The following ERCC3 variants were observed in gnomAD, a reference collection of about 807,000 sequenced individuals.
ERCC3 encodes the protein general transcription and DNA repair factor IIH helicase/translocase subunit XPB.
A neutral mutation model predicts 94.2 loss-of-function variants in ERCC3; 66 were observed. That is an observed-to-expected ratio of 0.70 (90% CI 0.57 to 0.86). The LOEUF is 0.86. Ranked by LOEUF, ERCC3 falls within the 40% of genes least tolerant of loss-of-function variation. ERCC3 has a pLI of 0.00. For missense variants in ERCC3, 829 were observed against 987.1 expected, an observed-to-expected ratio of 0.84 and a Z score of 2.15; for synonymous variants, 349 against 369.1, an observed-to-expected ratio of 0.95 and a Z score of 0.63.
In ERCC3 at chr2:127,271,464, A is replaced by G; in HGVS notation, c.1828-11T>C. 1 of 1,583,456 alleles carries G rather than the reference A, an allele frequency of 6.3e-7. No homozygotes were observed. The highest frequency in any genetic ancestry group is 8.7e-7 in the Non-Finnish European group (1 of 1,152,932). ...CGAAGTGTCACCTACCTACAGAAAC[A>G]AGTTGGAAGGTTTTTATATATGAGG... On this transcript the variant is annotated splice_polypyrimidine_tract_variant and intron_variant, in intron 11 of 14. Transcript: ENST00000285398. The surrounding 1 kb of genome is among the most constrained non-coding windows in gnomAD (Gnocchi z 5.0).
At chr2:127,278,188 T>C (rs1684793108) in intron 10 of ERCC3, among the ~76,000 whole-genome samples, 1 of 150,032 alleles carries the variant, frequency 6.7e-6, no homozygotes, top group Non-Finnish European at 1.5e-5. Flanking sequence ...CCGTGAGCCG[T>C]GATTACACCA....
At position 127,271,488 on chromosome 2, in the gene ERCC3, G is replaced by GA; in HGVS notation, c.1828-36_1828-35insT. On this transcript the variant is annotated intron_variant, in intron 11 of 14. Coordinates refer to ENST00000285398, the MANE Select transcript of ERCC3 (RefSeq NM_000122.2). This position sits in a 1 kb window ranked among gnomAD's most constrained non-coding sequence, Gnocchi z 5.0. ...CAAGTTGGAAGGTTTTTATATATGAGGAAAAAAAAAAAGTCAACTGATCCA... is the reference window on the plus strand; with the variant it reads ...CAAGTTGGAAGGTTTTTATATATGAGAGAAAAAAAAAAAGTCAACTGATCCA... 7.3e-7 allele frequency: 1 copy of GA among 1,377,368 alleles called. No individual in the cohort carries two copies. The highest frequency in any genetic ancestry group is 1.9e-5 in the Admixed American group (1 of 52,730). 85.3% of individuals were successfully genotyped at this position (1,377,368 alleles called of 1,614,324 possible).
chr2:127,272,252 T>C (rs1573940590), intron 11 of ERCC3, among the ~76,000 whole-genome samples: 1 of 152,242 alleles, frequency 6.6e-6, no homozygotes, highest in African/African-American at 2.4e-5. Flanking sequence ...CTCGAACTCC[T>C]GACCTCCGGT....
chr2:127,294,069 C>T lies in ERCC3; in HGVS notation c.13G>A (p.Asp5Asn). The T allele has an allele frequency of 6.2e-7, 1 of 1,608,216 alleles. No homozygotes were observed. Among genetic ancestry groups the T allele is most frequent in the Non-Finnish European group, 8.5e-7 (1 of 1,179,610 alleles). ...AACGTCTCACCGCGGTCCGCTCGGT[C>T]TCTTTTGCCCATGGCAGCTACAGCA... Reference protein sequence around the residue: MGKRDRADRDKKKSR... With the variant: MGKRNRADRDKKKSR... The change falls in exon 1 of 15, where the codon GAC (aspartate) becomes AAC (asparagine). Residue 5 changes from aspartate (D) to asparagine (N), a missense_variant. Coordinates refer to ENST00000285398, the MANE Select transcript of ERCC3 (RefSeq NM_000122.2).
At chr2:127,261,537 T>A (rs950423782) in intron 12 of ERCC3, 191 bp from the exon 13 acceptor site, 5 of 616,444 alleles carry the variant, frequency 8.1e-6, no homozygotes, top group African/African-American at 7.4e-5. Context: ...CACCATCAAG[T>A]GAAAAAACAA....
At chr2:127,263,060 A>G (rs1158144858) in intron 12 of ERCC3, among the ~76,000 whole-genome samples, 1 of 152,174 alleles carries the variant, frequency 6.6e-6, no homozygotes, top group Admixed American at 6.5e-5. Flanking sequence ...GGTTACTGTA[A>G]GCCCTGTAGC....
At chr2:127,273,060 G>A in intron 10 of ERCC3, 99 bp from the exon 11 acceptor site, 1 of 787,936 alleles carries the variant, frequency 1.3e-6, no homozygotes, top group South Asian at 1.4e-5. Context: ...CTCTTCTCAA[G>A]TAGAAAGCCC....
chr2:127,290,775 G>A (rs1685242241), intron 3 of ERCC3: 2 of 189,334 alleles, frequency 1.1e-5, no homozygotes, highest in African/African-American at 4.7e-5. Flanking sequence ...GAGGCTGTGT[G>A]GCAACAATAA....
chr2:127,258,099 C>CT lies in ERCC3; in HGVS notation c.2218-373dup, dbSNP rs921102009. ...CACTTAATAACAACTTCTGAACAAACTTTTTTTTTTTAAGAGAGAAACAGG... is the reference window on the plus strand; with the variant it reads ...CACTTAATAACAACTTCTGAACAAACTTTTTTTTTTTTAAGAGAGAAACAGG... On this transcript the variant is annotated intron_variant, in intron 14 of 14. Coordinates refer to ENST00000285398, the MANE Select transcript of ERCC3 (RefSeq NM_000122.2). This position sits in a 1 kb window ranked among gnomAD's most constrained non-coding sequence, Gnocchi z 4.1. 1.4e-4 allele frequency among the ~76,000 whole-genome samples: 21 copies of CT among 147,788 alleles called. No individual in the cohort carries two copies. Among genetic ancestry groups the CT allele is most frequent in the South Asian group, 1.1e-3 (5 of 4,662 alleles).
At chr2:127,287,123 C>A in intron 7 of ERCC3, 106 bp from the exon 8 acceptor site, 1 of 847,154 alleles carries the variant, frequency 1.2e-6, no homozygotes, top group East Asian at 2.6e-5. Flanking sequence ...TGTCTTGTAA[C>A]AGTCCACATA....
Position 127,291,235 on chromosome 2 carries a change from T to C in ERCC3, c.472-962A>G, listed in dbSNP as rs1419616621. On this transcript the variant is annotated intron_variant, in intron 3 of 14. Coordinates refer to ENST00000285398, the MANE Select transcript of ERCC3 (RefSeq NM_000122.2). The surrounding 1 kb of genome is among the most constrained non-coding windows in gnomAD (Gnocchi z 4.9). ...GCAGAGCCACAGTGTTGGTACAAGGTCCTCTCCTTGGGCACGCTTTCTTTT... is the reference window on the plus strand; with the variant it reads ...GCAGAGCCACAGTGTTGGTACAAGGCCCTCTCCTTGGGCACGCTTTCTTTT... 6.6e-6 allele frequency among the ~76,000 whole-genome samples: 1 copy of C among 152,084 alleles called. No homozygotes were observed. The highest frequency in any genetic ancestry group is 2.4e-5 in the African/African-American group (1 of 41,402).
chr2:127,266,721 T>A (rs1243134470), intron 12 of ERCC3, among the ~76,000 whole-genome samples: 15 of 145,110 alleles, frequency 1.0e-4, no homozygotes, highest in Non-Finnish European at 2.1e-4. Flanking sequence ...TTTTTTTTTT[T>A]TTTTTTTTTT....
At position 127,271,963 on chromosome 2, in the gene ERCC3, T is replaced by A. The variant is rs1217205689; in HGVS notation, c.1828-510A>T. The stretch of plus-strand genomic sequence containing the variant: ...GTTCCCAGCCACAGACATGAAGGTT[T>A]GGTGCTTATAAGCGCCCAGCCACAA... On this transcript the variant is annotated intron_variant, in intron 11 of 14. Coordinates refer to ENST00000285398, the MANE Select transcript of ERCC3 (RefSeq NM_000122.2). This position sits in a 1 kb window ranked among gnomAD's most constrained non-coding sequence, Gnocchi z 5.0. 1.3e-5 allele frequency among the ~76,000 whole-genome samples: 2 copies of A among 151,744 alleles called. No individual in the cohort carries two copies. The highest frequency in any genetic ancestry group is 4.8e-5 in the African/African-American group (2 of 41,286).
At chr2:127,293,415 G>T in intron 2 of ERCC3, 98 bp downstream of exon 2, 6 of 1,097,842 alleles carry the variant, frequency 5.5e-6, no homozygotes, top group East Asian at 2.6e-5. Flanking sequence ...AGTTCTAGGG[G>T]CAGTATCCTG....
chr2:127,280,467 C>T lies in ERCC3; in HGVS notation c.1507G>A (p.Ala503Thr), dbSNP rs745884071. The T allele has an allele frequency of 2.5e-6, 4 of 1,612,440 alleles. No homozygotes were observed. Among genetic ancestry groups the T allele is most frequent in the Non-Finnish European group, 3.4e-6 (4 of 1,179,434 alleles). Residue 503 changes from alanine to threonine, a missense_variant, in exon 9 of 15, where the codon GCC becomes ACC. Physicochemically the swap from Ala to Thr is moderately conservative, Grantham distance 58. Transcript: ENST00000285398. This position sits in a 1 kb window ranked among gnomAD's most constrained non-coding sequence, Gnocchi z 6.3. ...GCTACCTCAGCACACTGGACTTTGG[C>T]GATGTAGCCATTATTCTGCAGCTCC... ...WMELQNNGYI[A>T]KVQCAEVWCP...
intron 12 of ERCC3, chr2:127,261,642 T>C (rs1684193110): frequency 2.5e-6 from 1 of 396,484 alleles, no homozygotes; most frequent in East Asian, 5.5e-5. Flanking sequence ...ACAAGACAAA[T>C]TAATTATAAA....
At chr2:127,293,911 G>A (rs1474571237) in intron 1 of ERCC3, 143 bp downstream of exon 1, 5 of 1,525,084 alleles carry the variant, frequency 3.3e-6, no homozygotes, top group Non-Finnish European at 4.4e-6. Context: ...CATCTCTCCC[G>A]CCCAAAGGCC....
In ERCC3 at chr2:127,288,820, G is replaced by A. The variant is rs1685167613; in HGVS notation, c.867C>T (p.Tyr289=). The change falls in exon 7 of 15, where the codon TAC becomes TAT. Residue 289 remains tyrosine, a synonymous_variant. Coordinates refer to ENST00000285398, the MANE Select transcript of ERCC3 (RefSeq NM_000122.2). The part of the protein sequence containing the change: ...ELQKRCIHLE[Y]PLLAEYDFRN... ...GGAAGTCATATTCTGCCAACAGAGG[G>A]TACTCCAGGTGGATGCAACGTTTCT... is the stretch of plus-strand genomic sequence containing the variant. 2 of 1,613,904 alleles carry A rather than the reference G, an allele frequency of 1.2e-6. No individual in the cohort carries two copies. Among genetic ancestry groups the A allele is most frequent in the African/African-American group, 2.7e-5 (2 of 74,904 alleles).
At chr2:127,283,276 C>G (rs562238679) in intron 8 of ERCC3, among the ~76,000 whole-genome samples, 3 of 152,242 alleles carry the variant, frequency 2.0e-5, no homozygotes, top group South Asian at 2.1e-4. Context: ...TCTGACCCCC[C>G]ACTTCTGGCA....
Sources: allele counts gnomAD v4.1 joint callset (sites outside exome capture counted in the v4.1 genomes callset), GRCh38; gene constraint gnomAD v4.1.1; non-coding constraint Gnocchi (gnomAD v3.1); transcripts MANE v1.5; gene names NCBI Gene and HGNC (gene_info 2026-07-23, HGNC 2026-07-21).